ATPSCKMT: variants seen among roughly 807,000 people sequenced by gnomAD.
ATPSCKMT encodes ATP synthase c subunit lysine N-methyltransferase.
In ATPSCKMT, 24 loss-of-function variants were observed where a neutral mutation model predicts 24.3. The ratio of observed to expected loss-of-function variants is 0.99; its 90% CI spans 0.71 to 1.39. ATPSCKMT has a LOEUF of 1.39. Ranked by LOEUF, ATPSCKMT falls within the 40% of genes most tolerant of loss-of-function variation. The pLI, the probability that ATPSCKMT is intolerant of heterozygous loss-of-function variation, is 0.00. For missense variants in ATPSCKMT, 311 were observed against 298.4 expected, an observed-to-expected ratio of 1.04 and a Z score of -0.31; for synonymous variants, 95 against 110.5, an observed-to-expected ratio of 0.86 and a Z score of 0.88.
At chr5:10,232,305 G>A (rs1225086125) in intron 4 of ATPSCKMT, among the ~76,000 whole-genome samples, 1 of 152,212 alleles carries the variant, frequency 6.6e-6, no homozygotes, top group Non-Finnish European at 1.5e-5. Context: ...TATAAATAAT[G>A]GGTATATTTA....
At chr5:10,241,381 C>A (rs992708326) in intron 1 of ATPSCKMT, among the ~76,000 whole-genome samples, 1 of 152,208 alleles carries the variant, frequency 6.6e-6, no homozygotes, top group Admixed American at 6.5e-5. Flanking sequence ...CCATGAACTA[C>A]GGCAATCTAT....
In ATPSCKMT at chr5:10,228,690, AT is replaced by A. The variant is rs530268153; in HGVS notation, c.496-1044del. On this transcript the variant is annotated intron_variant, in intron 4 of 4. Transcript: ENST00000511437. ...GTATACCTATACCCAGGTTCAAATA[AT>A]TTTTTTTTTTTTGAGACAAGATTTA... Among the ~76,000 whole-genome samples the A allele has an allele frequency of 9.9e-4, 146 of 147,744 alleles. 1 individual carries two copies. The highest frequency in any genetic ancestry group is 1.0e-3 in the African/African-American group (41 of 40,416).
chr5:10,227,594 A>T lies in ATPSCKMT; in HGVS notation c.549T>A (p.Val183=). ...GTGGGAAAGGGAACCGGCAAGCAATAACTCGTGCATCATCCTCAAGTTCAC... is the reference window on the plus strand; with the variant it reads ...GTGGGAAAGGGAACCGGCAAGCAATTACTCGTGCATCATCCTCAAGTTCAC... ...LERELEDDAR[V]IACRFPFPHW... The change falls in exon 5 of 5, where the codon GTT becomes GTA. Residue 183 remains valine (V), a synonymous_variant. Coordinates refer to ENST00000511437, the MANE Select transcript of ATPSCKMT (RefSeq NM_199133.4). 1 of 1,614,238 alleles carries T rather than the reference A, an allele frequency of 6.2e-7. No individual in the cohort carries two copies. The highest frequency in any genetic ancestry group is 8.5e-7 in the Non-Finnish European group (1 of 1,180,040).
At chr5:10,245,503 T>C (rs1182075941) in intron 1 of ATPSCKMT, among the ~76,000 whole-genome samples, 1 of 152,136 alleles carries the variant, frequency 6.6e-6, no homozygotes. Flanking sequence ...CCCAGCACTT[T>C]GGGAGGCTGA....
At position 10,236,622 on chromosome 5, in the gene ATPSCKMT, A is replaced by G. The variant is rs535885547; in HGVS notation, c.307-7T>C. ...TCTTCGCAGCCGCTATGACCTGTGG[A>G]GAGAGGCAGGATTTATTCAAAATAA... is the stretch of plus-strand genomic sequence containing the variant. On this transcript the variant is annotated splice_polypyrimidine_tract_variant and splice_region_variant and intron_variant, in intron 2 of 4. Transcript: ENST00000511437. The G allele has an allele frequency of 1.2e-6, 2 of 1,611,184 alleles. No individual in the cohort carries two copies. Among genetic ancestry groups the G allele is most frequent in the Admixed American group, 3.4e-5 (2 of 59,304 alleles).
At position 10,226,256 on chromosome 5, in the gene ATPSCKMT, A is replaced by C. The variant is rs1743872403; in HGVS notation, c.*1185T>G. 6.6e-6 allele frequency: 1 copy of C among 152,250 alleles called. No homozygotes were observed. The highest frequency in any genetic ancestry group is 2.1e-4 in the South Asian group (1 of 4,836). 9.4% of individuals were successfully genotyped at this position (152,250 alleles called of 1,614,324 possible). A position where few individuals can be genotyped will look rare whatever the true frequency, so the allele number is the denominator to read the frequency against. On this transcript the variant is annotated 3_prime_UTR_variant, in exon 5 of 5. Coordinates refer to ENST00000511437, the MANE Select transcript of ATPSCKMT (RefSeq NM_199133.4). ...AATCTCAGAGCTTCTTCTACAGTAGATACTGAATACATATTTGTTGAATGA... is the reference window on the plus strand; with the variant it reads ...AATCTCAGAGCTTCTTCTACAGTAGCTACTGAATACATATTTGTTGAATGA...
At chr5:10,249,697 G>A in intron 1 of ATPSCKMT, 161 bp downstream of exon 1, 1 of 1,186,148 alleles carries the variant, frequency 8.4e-7, no homozygotes, top group East Asian at 2.6e-5. Flanking sequence ...ACCGCGCGGC[G>A]ACCAGGAGCT....
In ATPSCKMT at chr5:10,235,192, C is replaced by A. The variant is rs762737534; in HGVS notation, c.495+19G>T. On this transcript the variant is annotated intron_variant, in intron 4 of 4. Transcript: ENST00000511437. Reference sequence around the variant, plus strand: ...ACATCATCTAACCCCAAACAGAGAGCAGGAAAGTGCATACTCACCATCTGA... The same window carrying A: ...ACATCATCTAACCCCAAACAGAGAGAAGGAAAGTGCATACTCACCATCTGA... 2 of 1,613,024 alleles carry A rather than the reference C, an allele frequency of 1.2e-6. No individual in the cohort carries two copies. Among genetic ancestry groups the A allele is most frequent in the Admixed American group, 1.7e-5 (1 of 60,006 alleles).
intron 4 of ATPSCKMT, among the ~76,000 whole-genome samples, chr5:10,232,821 C>T (rs1267929745): frequency 6.6e-6 from 1 of 152,218 alleles, no homozygotes; most frequent in African/African-American, 2.4e-5. Context: ...GTATTTGGGC[C>T]TTATCCCTAA....
At chr5:10,238,317 C>T (rs1463500974) in intron 2 of ATPSCKMT, among the ~76,000 whole-genome samples, 1 of 152,164 alleles carries the variant, frequency 6.6e-6, no homozygotes, top group Non-Finnish European at 1.5e-5. Context: ...AATATCTTAA[C>T]TTTCTAACCT....
At chr5:10,249,476 A>G in intron 1 of ATPSCKMT, 1 of 247,668 alleles carries the variant, frequency 4.0e-6, no homozygotes, top group South Asian at 1.5e-4. Flanking sequence ...CACTTTGCAG[A>G]CAGGGAACCC....
intron 1 of ATPSCKMT, among the ~76,000 whole-genome samples, chr5:10,246,338 G>A (rs1440754609): frequency 1.3e-5 from 2 of 152,110 alleles, no homozygotes; most frequent in African/African-American, 4.8e-5. Flanking sequence ...GGAGGCTGGG[G>A]GCAAGAGAAT....
At chr5:10,249,802 C>G in intron 1 of ATPSCKMT, 56 bp downstream of exon 1, 7 of 1,519,594 alleles carry the variant, frequency 4.6e-6, no homozygotes, top group Middle Eastern at 2.5e-4. Context: ...GAGCCCCCGG[C>G]CCGCCCGCAC....
chr5:10,249,730 G>C (rs1052321754), intron 1 of ATPSCKMT, 128 bp downstream of exon 1: 1 of 1,396,328 alleles, frequency 7.2e-7, no homozygotes, highest in Non-Finnish European at 9.6e-7. Context: ...GGCCAGGCTG[G>C]AGGCCAGAGC....
At chr5:10,246,833 G>T (rs1314621170) in intron 1 of ATPSCKMT, among the ~76,000 whole-genome samples, 1 of 152,202 alleles carries the variant, frequency 6.6e-6, no homozygotes, top group Admixed American at 6.5e-5. Context: ...ACACAGGGCT[G>T]GTTGTGAGAA....
Position 10,225,593 on chromosome 5 carries a change from T to A in ATPSCKMT, c.*1848A>T, listed in dbSNP as rs1743843889. The stretch of plus-strand genomic sequence containing the variant: ...AATGGTAGTAGGCAAAAAGAGCTTG[T>A]GCAGGAAAACTCCCCCCTAAAATAA... On this transcript the variant is annotated 3_prime_UTR_variant, in exon 5 of 5. Transcript: ENST00000511437. Among the ~76,000 whole-genome samples, 1 of 152,100 alleles carries A rather than the reference T, an allele frequency of 6.6e-6. No homozygotes were observed. Among genetic ancestry groups the A allele is most frequent in the Non-Finnish European group, 1.5e-5 (1 of 68,028 alleles).
At position 10,227,292 on chromosome 5, in the gene ATPSCKMT, CG is replaced by C; in HGVS notation, c.*148del. On this transcript the variant is annotated 3_prime_UTR_variant, in exon 5 of 5. Transcript: ENST00000511437. Reference sequence around the variant, plus strand: ...GATTTTAAATCTACCTGTTTTTCTTCGTTTGTTTTCTCCAACAGTTAAGGAA... The same window carrying C: ...GATTTTAAATCTACCTGTTTTTCTTCTTTGTTTTCTCCAACAGTTAAGGAA... 2.5e-6 allele frequency: 2 copies of C among 802,730 alleles called. No individual in the cohort carries two copies. Among genetic ancestry groups the C allele is most frequent in the Non-Finnish European group, 3.8e-6 (2 of 524,760 alleles). 49.7% of individuals were successfully genotyped at this position (802,730 alleles called of 1,614,324 possible).
intron 4 of ATPSCKMT, among the ~76,000 whole-genome samples, 197 bp from the exon 5 acceptor site, chr5:10,227,844 C>A (rs1292226007): frequency 6.6e-6 from 1 of 152,166 alleles, no homozygotes; most frequent in East Asian, 1.9e-4. Context: ...TGTAAGAACA[C>A]CTTCTAGTAT....
At chr5:10,249,531 A>C in intron 1 of ATPSCKMT, 1 of 355,890 alleles carries the variant, frequency 2.8e-6, no homozygotes, top group South Asian at 1.1e-4. Context: ...CACAGCTAGG[A>C]AGAGCGGCAG....
Sources: gnomAD v4.1 joint callset for allele counts (sites outside exome capture counted in the v4.1 genomes callset) on GRCh38, gnomAD v4.1.1 for gene constraint, MANE v1.5 for transcripts, NCBI Gene and HGNC (gene_info 2026-07-23, HGNC 2026-07-21) for gene names.